The following MED15 variants were observed in gnomAD, a reference collection of about 807,000 sequenced individuals.
MED15 encodes the protein mediator complex subunit 15, also known as mediator of RNA polymerase II transcription subunit 15.
A neutral mutation model predicts 118.7 loss-of-function variants in MED15; 41 were observed. The ratio of observed to expected loss-of-function variants is 0.35; its 90% CI spans 0.27 to 0.45. MED15 has a LOEUF of 0.45. Ranked by LOEUF, MED15 falls within the 20% of genes least tolerant of loss-of-function variation. The probability of loss-of-function intolerance (pLI) is 1.00; values close to 1 mark genes in which losing one functional copy is unlikely to be tolerated. For missense variants in MED15, 740 were observed against 1,025.5 expected (o/e 0.72, Z 3.80); for synonymous variants, 436 against 413.9 (o/e 1.05, Z -0.65).
intron 2 of MED15, among the ~76,000 whole-genome samples, chr22:20,537,874 G>A (rs181177911): frequency 6.6e-6 from 1 of 152,348 alleles, no homozygotes; most frequent in East Asian, 1.9e-4. Context: ...ACTGAGGTGG[G>A]GTAGAGTGGG....
intron 17 of MED15, 43 bp downstream of exon 17, chr22:20,585,869 A>AG (rs1163412921): frequency 6.3e-6 from 10 of 1,587,316 alleles, no homozygotes; most frequent in African/African-American, 1.3e-5. Flanking sequence ...CAGGGCAAGC[A>AG]GGGGTCATTG....
intron 1 of MED15, among the ~76,000 whole-genome samples, chr22:20,536,357 G>T (rs2055081098): frequency 6.6e-6 from 1 of 150,480 alleles, no homozygotes; most frequent in African/African-American, 2.4e-5. Context: ...GGAGGTGGGG[G>T]TGGGGGTGGG....
intron 7 of MED15, among the ~76,000 whole-genome samples, chr22:20,567,276 A>AT (rs1474043847): frequency 1.3e-5 from 2 of 152,042 alleles, no homozygotes; most frequent in East Asian, 3.9e-4. Context: ...TCATTACTAT[A>AT]TTTTTGAGAG....
chr22:20,547,830 A>T (rs60395699), intron 2 of MED15, among the ~76,000 whole-genome samples: 1,957 of 152,006 alleles, frequency 0.013, 48 homozygotes, highest in African/African-American at 0.045. Flanking sequence ...CTAAAAAATA[A>T]AAATAAATAA....
chr22:20,557,026 T>A (rs1271357810), intron 5 of MED15, among the ~76,000 whole-genome samples: 3 of 152,246 alleles, frequency 2.0e-5, no homozygotes, highest in Non-Finnish European at 4.4e-5. Flanking sequence ...TTGGGTTGTT[T>A]CCTGCTTTTG....
At chr22:20,508,550 G>C (rs574495279) in intron 1 of MED15, 1 of 502,984 alleles carries the variant, frequency 2.0e-6, no homozygotes, top group Non-Finnish European at 3.2e-6. Flanking sequence ...GATTTGGGAA[G>C]GTAATGGAAA....
intron 7 of MED15, 37 bp downstream of exon 7, chr22:20,566,854 C>G (rs745725480): frequency 6.2e-7 from 1 of 1,601,418 alleles, no homozygotes; most frequent in Admixed American, 1.7e-5. Flanking sequence ...CACATGCAGC[C>G]CGTGGCTCTG....
intron 1 of MED15, among the ~76,000 whole-genome samples, chr22:20,509,528 C>G (rs1196764300): frequency 6.8e-6 from 1 of 147,294 alleles, no homozygotes; most frequent in Non-Finnish European, 1.5e-5. Context: ...AAGAGGAAGA[C>G]AGATTCCAGA....
At chr22:20,519,306 G>A (rs1287614774) in intron 1 of MED15, among the ~76,000 whole-genome samples, 2 of 152,164 alleles carry the variant, frequency 1.3e-5, no homozygotes, top group Non-Finnish European at 2.9e-5. Context: ...TCTAGGTGCA[G>A]GGCTGTTAAT....
intron 2 of MED15, among the ~76,000 whole-genome samples, chr22:20,543,300 C>T (rs2055392947): frequency 7.0e-6 from 1 of 143,074 alleles, no homozygotes; most frequent in African/African-American, 2.6e-5. Flanking sequence ...CAACCTCCGC[C>T]TCCTGGGTTC....
chr22:20,551,108 A>G (rs1182427021), intron 2 of MED15: 2 of 546,334 alleles, frequency 3.7e-6, no homozygotes, highest in African/African-American at 1.9e-5. Flanking sequence ...ATCACCCCCA[A>G]CCTGCCTGTC....
At chr22:20,586,169 A>G (rs111253701) in intron 17 of MED15, among the ~76,000 whole-genome samples, 24 of 152,192 alleles carry the variant, frequency 1.6e-4, no homozygotes, top group Non-Finnish European at 3.4e-4. Context: ...CCCAGAGGCC[A>G]CTACCTTGGC....
chr22:20,582,705 C>G lies in MED15; in HGVS notation c.1367C>G (p.Pro456Arg). 6.3e-7 allele frequency: 1 copy of G among 1,596,860 alleles called. No individual in the cohort carries two copies. Among genetic ancestry groups the G allele is most frequent in the Non-Finnish European group, 8.5e-7 (1 of 1,177,920 alleles). The change falls in exon 10 of 18, where the codon CCG becomes CGG. Residue 456 changes from proline (P) to arginine (R), a missense_variant. By Grantham distance (103) the Pro-to-Arg change is moderately radical. Around this residue, in one of 7 missense-constraint regions of MED15, gnomAD observed 384 missense variants for 506.3 expected, o/e 0.76. Coordinates refer to ENST00000263205, the MANE Select transcript of MED15 (RefSeq NM_001003891.3). ...ATGCCCCCTCCCCCCCAGCCGTCCC[C>G]GCAGCCCGGCCAGCCCAGCTCACAG... The part of the protein sequence containing the change: ...QSMPPPPQPS[P>R]QPGQPSSQPN...
intron 1 of MED15, among the ~76,000 whole-genome samples, chr22:20,515,295 A>G (rs2054210081): frequency 1.3e-5 from 2 of 152,294 alleles, no homozygotes; most frequent in South Asian, 4.1e-4. Flanking sequence ...ACTCACATTT[A>G]TAAGATGAGG....
chr22:20,512,653 A>G (rs1469851063), intron 1 of MED15, among the ~76,000 whole-genome samples: 8 of 133,856 alleles, frequency 6.0e-5, no homozygotes, highest in Non-Finnish European at 7.6e-5. Context: ...GTGCAGTGTC[A>G]CAATCTCAGC....
chr22:20,554,330 T>C (rs1264948307), intron 4 of MED15: 1 of 152,598 alleles, frequency 6.6e-6, no homozygotes, highest in Non-Finnish European at 1.5e-5. Flanking sequence ...TTGTCCTTGG[T>C]TGTGGCATTG....
intron 1 of MED15, among the ~76,000 whole-genome samples, chr22:20,514,523 T>G (rs538355993): frequency 6.6e-6 from 1 of 152,280 alleles, no homozygotes; most frequent in South Asian, 2.1e-4. Flanking sequence ...AATAAATAGA[T>G]GTCCATTGGG....
rs1239509128 is a variant in MED15, at chr22:20,583,392, C to A, written c.1735C>A (p.Arg579=). The A allele has an allele frequency of 2.5e-6, 4 of 1,611,600 alleles. No homozygotes were observed. Among genetic ancestry groups the A allele is most frequent in the African/African-American group, 2.7e-5 (2 of 74,888 alleles). Residue 579 remains arginine (R), a splice_region_variant and synonymous_variant, in exon 13 of 18, where the codon CGG becomes AGG. Coordinates refer to ENST00000263205, the MANE Select transcript of MED15 (RefSeq NM_001003891.3). ...LLDILTDPSK[R]CPLKTLQKCE... ...GGACATTCTGACAGACCCCTCGAAG[C>A]GGTGAGCTTTGCCCACAGCCCACGG... is the stretch of plus-strand genomic sequence containing the variant.
intron 2 of MED15, chr22:20,550,851 C>T (rs540895439): frequency 2.9e-4 from 93 of 321,568 alleles, no homozygotes; most frequent in Non-Finnish European, 4.0e-4. Context: ...CAGTGGCCTT[C>T]ACCTCACCTG....
Sources: allele counts gnomAD v4.1 joint callset (sites outside exome capture counted in the v4.1 genomes callset), GRCh38; gene constraint gnomAD v4.1.1; regional missense constraint gnomAD v4.1.1; transcripts MANE v1.5; gene names NCBI Gene and HGNC (gene_info 2026-07-23, HGNC 2026-07-21).